GNAI2: variants seen among roughly 807,000 people sequenced by gnomAD.
GNAI2 encodes guanine nucleotide-binding protein G(i) subunit alpha-2.
Under a neutral mutation model 36.8 loss-of-function variants are expected in GNAI2, and 4 were observed. The ratio of observed to expected loss-of-function variants is 0.11; its 90% CI spans 0.05 to 0.25. The LOEUF (loss-of-function observed/expected upper bound fraction) is 0.25, where lower values mean the gene tolerates loss of function less well. Ranked by LOEUF, GNAI2 falls within the 10% of genes least tolerant of loss-of-function variation. The pLI is 1.00. For synonymous variants in GNAI2, 194 were observed against 194.1 expected, an observed-to-expected ratio of 1.00 and a Z score of 0.01; for missense variants, 230 against 481.3, an observed-to-expected ratio of 0.48 and a Z score of 4.89.
Position 50,256,179 on chromosome 3 carries a change from C to A in GNAI2, c.465-13C>A. ...TGCTGGCCCCCACTGACCCTCCCACCCCCCATCCCCAGCTACCTGAACGAC... is the reference window on the plus strand; with the variant it reads ...TGCTGGCCCCCACTGACCCTCCCACACCCCATCCCCAGCTACCTGAACGAC... On this transcript the variant is annotated splice_polypyrimidine_tract_variant and intron_variant, in intron 4 of 8. Transcript: ENST00000313601. The A allele has an allele frequency of 4.1e-6, 6 of 1,453,258 alleles. No individual in the cohort carries two copies. Among genetic ancestry groups the A allele is most frequent in the South Asian group, 1.2e-5 (1 of 86,790 alleles). 90.0% of individuals were successfully genotyped at this position (1,453,258 alleles called of 1,614,324 possible). A position where few individuals can be genotyped will look rare whatever the true frequency, so the allele number is the denominator to read the frequency against.
chr3:50,257,007 T>C lies in GNAI2; in HGVS notation c.794T>C (p.Ile265Thr). The C allele has an allele frequency of 6.2e-7, 1 of 1,613,988 alleles. No homozygotes were observed. The highest frequency in any genetic ancestry group is 8.5e-7 in the Non-Finnish European group (1 of 1,179,842). Residue 265 changes from isoleucine (I) to threonine (T), a missense_variant, in exon 7 of 9, where the codon ATC becomes ACC. Physicochemically the swap from Ile to Thr is moderately conservative, Grantham distance 89 (BLOSUM62 -1). Transcript: ENST00000313601. ...CNNKWFTDTSIILFLNKKDLF... is the reference protein window; with the variant it reads ...CNNKWFTDTSTILFLNKKDLF... ...AACAAGTGGTTCACAGACACGTCCA[T>C]CATCCTCTTCCTCAACAAGAAGGAC... is the stretch of plus-strand genomic sequence containing the variant.
chr3:50,239,889 C>G (rs1472366356), intron 1 of GNAI2: 1 of 152,378 alleles, frequency 6.6e-6, no homozygotes, highest in East Asian at 1.9e-4. Context: ...AGGGGCTGCT[C>G]CGCAGCCCTG....
rs782568968 is a variant in GNAI2, at chr3:50,236,461, C to T, written c.118+8C>T. 4 of 1,572,668 alleles carry T rather than the reference C, an allele frequency of 2.5e-6. No homozygotes were observed. The highest frequency in any genetic ancestry group is 1.9e-5 in the Admixed American group (1 of 52,724). On this transcript the variant is annotated splice_region_variant and intron_variant, in intron 1 of 8. Coordinates refer to ENST00000313601, the MANE Select transcript of GNAI2 (RefSeq NM_002070.4). This position sits in a 1 kb window ranked among gnomAD's most constrained non-coding sequence, Gnocchi z 4.0. ...TGAAGTTGCTGCTGTTGGGTGAGGCCGCGTCCCGCACTGGGATCCTTGATT... is the reference window on the plus strand; with the variant it reads ...TGAAGTTGCTGCTGTTGGGTGAGGCTGCGTCCCGCACTGGGATCCTTGATT...
Position 50,252,651 on chromosome 3 carries a change from C to A in GNAI2, c.303+113C>A. 1 of 887,228 alleles carries A rather than the reference C, an allele frequency of 1.1e-6. No homozygotes were observed. The highest frequency in any genetic ancestry group is 1.7e-6 in the Non-Finnish European group (1 of 572,662). 55.0% of individuals were successfully genotyped at this position (887,228 alleles called of 1,614,324 possible). A position where few individuals can be genotyped will look rare whatever the true frequency, so the allele number is the denominator to read the frequency against. On this transcript the variant is annotated intron_variant, in intron 3 of 8. Coordinates refer to ENST00000313601, the MANE Select transcript of GNAI2 (RefSeq NM_002070.4). This position sits in a 1 kb window ranked among gnomAD's most constrained non-coding sequence, Gnocchi z 4.1. Reference sequence around the variant, plus strand: ...CTTTGGGACGCCGAGGCGGGTGGATCACCTGAGGTCAGGACCAGCCTGGCC... The same window carrying A: ...CTTTGGGACGCCGAGGCGGGTGGATAACCTGAGGTCAGGACCAGCCTGGCC...
At chr3:50,251,823 T>G (rs1700564978) in intron 1 of GNAI2, 27 of 1,278,086 alleles carry the variant, frequency 2.1e-5, no homozygotes, top group Middle Eastern at 4.5e-4. Context: ...CCCAGGACAG[T>G]GGGGAGCCAT....
chr3:50,237,232 C>G (rs1207115782), intron 1 of GNAI2, among the ~76,000 whole-genome samples: 3 of 152,240 alleles, frequency 2.0e-5, no homozygotes, highest in Non-Finnish European at 4.4e-5. Context: ...CTGCCTTATG[C>G]AGAACCCCCA....
chr3:50,235,175 G>T (rs1440020778), upstream of GNAI2: 2 of 151,532 alleles, frequency 1.3e-5, no homozygotes, highest in African/African-American at 4.9e-5. Context: ...TCTCCCTTGG[G>T]TCCTGATTGC....
At chr3:50,232,878 T>C (rs1293998433), upstream of GNAI2, among the ~76,000 whole-genome samples, 19 of 144,630 alleles carry the variant, frequency 1.3e-4, no homozygotes, top group African/African-American at 3.9e-4. Flanking sequence ...GGGTCATTGC[T>C]GTGGCTGGTG....
At chr3:50,240,062 A>G (rs1700264962) in intron 1 of GNAI2, 1 of 152,264 alleles carries the variant, frequency 6.6e-6, no homozygotes, top group Non-Finnish European at 1.5e-5. Context: ...ATAGATGCCT[A>G]ATGAGGGTAT....
upstream of GNAI2, among the ~76,000 whole-genome samples, chr3:50,227,649 G>A (rs1006808573): frequency 6.6e-6 from 1 of 152,282 alleles, no homozygotes; most frequent in Non-Finnish European, 1.5e-5. The surrounding 1 kb of genome is among the most constrained non-coding windows in gnomAD (Gnocchi z 5.9). Flanking sequence ...AGAATCGGGG[G>A]AGGACGCCTT....
chr3:50,256,438 C>A, intron 5 of GNAI2, 118 bp downstream of exon 5: 1 of 974,598 alleles, frequency 1.0e-6, no homozygotes. Flanking sequence ...CTCATGTGTT[C>A]TGGGCAAGCA....
At chr3:50,244,230 T>C (rs1350292909) in intron 1 of GNAI2, among the ~76,000 whole-genome samples, 4 of 152,104 alleles carry the variant, frequency 2.6e-5, no homozygotes, top group African/African-American at 9.7e-5. Flanking sequence ...GGTTTCACCA[T>C]GTTGGTCAGG....
chr3:50,258,036 G>A (rs1447995636), intron 8 of GNAI2: 3 of 227,482 alleles, frequency 1.3e-5, no homozygotes, highest in Non-Finnish European at 1.7e-5. Flanking sequence ...CATTGGCCCA[G>A]CCTGCCGGAA....
chr3:50,228,710 TC>T (rs1371355696), upstream of GNAI2, among the ~76,000 whole-genome samples: 2 of 152,210 alleles, frequency 1.3e-5, no homozygotes, highest in Non-Finnish European at 1.5e-5. Flanking sequence ...CCACAGCCTG[TC>T]CTGTTGGCAT....
chr3:50,247,254 G>A (rs952539555), intron 1 of GNAI2, among the ~76,000 whole-genome samples: 4 of 152,246 alleles, frequency 2.6e-5, no homozygotes, highest in Non-Finnish European at 5.9e-5. Flanking sequence ...CAGGAAAGGA[G>A]CTGAAGCTCT....
chr3:50,240,931 A>C (rs1470883476), intron 1 of GNAI2, among the ~76,000 whole-genome samples: 1 of 122,516 alleles, frequency 8.2e-6, no homozygotes, highest in Non-Finnish European at 1.6e-5. Context: ...AAAAAAAAAA[A>C]AAAAAGAAAA....
At chr3:50,246,776 A>G in intron 1 of GNAI2, 1 of 592,770 alleles carries the variant, frequency 1.7e-6, no homozygotes, top group Non-Finnish European at 2.7e-6. Flanking sequence ...GGGTGTGTGC[A>G]GCCAGTGAGC....
upstream of GNAI2, among the ~76,000 whole-genome samples, chr3:50,232,593 C>A (rs1375575487): frequency 1.3e-5 from 2 of 152,226 alleles, no homozygotes; most frequent in Non-Finnish European, 2.9e-5. Context: ...CCTACAGCCT[C>A]CAACTGCTGC....
rs1553703711 is a variant in GNAI2 at position 50,258,950 on chromosome 3, A to G, written c.*607A>G. 6.7e-6 allele frequency: 3 copies of G among 449,664 alleles called. No homozygotes were observed. The highest frequency in any genetic ancestry group is 1.3e-5 in the Non-Finnish European group (3 of 225,216). The allele number at this position is 449,664 out of a possible 1,614,324, so 27.9% of individuals were successfully genotyped here. A position where few individuals can be genotyped will look rare whatever the true frequency, so the allele number is the denominator to read the frequency against. On this transcript the variant is annotated 3_prime_UTR_variant, in exon 9 of 9. Transcript: ENST00000313601. ...AACTTTTTAGAGAAAAACTATTTAA[A>G]ACTGTCAGATCCTGACCAGCAAGCC... is the stretch of plus-strand genomic sequence containing the variant.
Sources: allele counts gnomAD v4.1 joint callset (sites outside exome capture counted in the v4.1 genomes callset), GRCh38; gene constraint gnomAD v4.1.1; non-coding constraint Gnocchi (gnomAD v3.1); transcripts MANE v1.5; gene names NCBI Gene and HGNC (gene_info 2026-07-23, HGNC 2026-07-21).